Variants in AGBL1 observed in about 807,000 individuals in gnomAD.
The protein encoded by AGBL1 is cytosolic carboxypeptidase 4.
In AGBL1, 130 loss-of-function variants were observed where a neutral mutation model predicts 118.9. The observed-to-expected ratio is 1.09, with a 90% CI of 0.95 to 1.26. The LOEUF (loss-of-function observed/expected upper bound fraction) is 1.26, where lower values mean the gene tolerates loss of function less well. Ranked by LOEUF, AGBL1 falls within the 50% of genes most tolerant of loss-of-function variation. AGBL1 has a pLI of 0.00. For missense variants in AGBL1, 1,584 were observed against 1,298.1 expected (o/e 1.22, Z -3.38); for synonymous variants, 555 against 478.9 (o/e 1.16, Z -2.08).
chr15:86,804,982 G>A (rs964426820), intron 22 of AGBL1, among the ~76,000 whole-genome samples: 5 of 152,066 alleles, frequency 3.3e-5, no homozygotes, highest in South Asian at 2.1e-4. Flanking sequence ...CAGAGCCATC[G>A]GGGAGTGAGC....
At chr15:86,310,514 A>G (rs1437061081) in intron 17 of AGBL1, among the ~76,000 whole-genome samples, 1 of 152,114 alleles carries the variant, frequency 6.6e-6, no homozygotes. Flanking sequence ...AGGGGAGCCT[A>G]AAGCTGGGAT....
chr15:86,421,983 C>T (rs562921742), intron 18 of AGBL1, among the ~76,000 whole-genome samples: 1 of 152,282 alleles, frequency 6.6e-6, no homozygotes, highest in African/African-American at 2.4e-5. Context: ...GAGACTTAGA[C>T]TCCCACACAA....
chr15:86,434,895 T>A (rs2081982329), intron 18 of AGBL1, among the ~76,000 whole-genome samples: 1 of 152,218 alleles, frequency 6.6e-6, no homozygotes. Flanking sequence ...AACACAACAT[T>A]CAGGGCTTTT....
chr15:86,226,059 G>C (rs1264572296), intron 6 of AGBL1, among the ~76,000 whole-genome samples: 1 of 152,158 alleles, frequency 6.6e-6, no homozygotes, highest in African/African-American at 2.4e-5. Flanking sequence ...TGTGATATGA[G>C]ATCCACAGCT....
intron 22 of AGBL1, among the ~76,000 whole-genome samples, chr15:86,691,281 AG>A (rs1208178018): frequency 6.6e-6 from 1 of 152,182 alleles, no homozygotes; most frequent in Non-Finnish European, 1.5e-5. Flanking sequence ...AGCAAACTGC[AG>A]GGGGCAAGAG....
At position 86,953,531 on chromosome 15, in the gene AGBL1, C is replaced by A. The variant is rs541846067; in HGVS notation, c.3222-34456C>A. Among the ~76,000 whole-genome samples, 169 of 151,894 alleles carry A rather than the reference C, an allele frequency of 1.1e-3. 2 individuals are homozygous for A. In the South Asian group the frequency reaches 0.014, roughly 13 times the overall value. On this transcript the variant is annotated intron_variant, in intron 23 of 24. Coordinates refer to the AGBL1 transcript ENST00000441037. ...TCAGCCTCCCAAGTAGCCGGGACTACAGGTACATGCCACTATGCCCAGCTC... is the reference window on the plus strand; with the variant it reads ...TCAGCCTCCCAAGTAGCCGGGACTAAAGGTACATGCCACTATGCCCAGCTC...
intron 22 of AGBL1, among the ~76,000 whole-genome samples, chr15:86,708,906 T>G (rs927539031): frequency 6.6e-6 from 1 of 152,108 alleles, no homozygotes; most frequent in African/African-American, 2.4e-5. Context: ...ATTTTGTTGC[T>G]TCACTTCCAC....
At chr15:86,123,826 T>A (rs1177914244) in intron 1 of AGBL1, among the ~76,000 whole-genome samples, 5 of 152,170 alleles carry the variant, frequency 3.3e-5, no homozygotes, top group South Asian at 2.1e-4. Context: ...ACTGTTCACT[T>A]GTATTTGGTT....
At chr15:86,561,555 A>G (rs2083820841) in intron 21 of AGBL1, among the ~76,000 whole-genome samples, 1 of 152,162 alleles carries the variant, frequency 6.6e-6, no homozygotes, top group Admixed American at 6.5e-5. Flanking sequence ...TTGTTACTGT[A>G]GCCTTGTAGT....
intron 22 of AGBL1, among the ~76,000 whole-genome samples, chr15:86,817,952 G>A (rs1737059370): frequency 2.6e-5 from 4 of 152,148 alleles, no homozygotes; most frequent in African/African-American, 9.7e-5. Context: ...GCAGAGATTA[G>A]AGTGATGGAT....
chr15:86,254,996 T>C (rs2078872211), intron 7 of AGBL1, among the ~76,000 whole-genome samples: 2 of 152,164 alleles, frequency 1.3e-5, no homozygotes, highest in African/African-American at 4.8e-5. Flanking sequence ...TATGGCCCAA[T>C]TTTTCAGAAC....
At chr15:86,808,598 CTTCCTTCT>C (rs1179156967) in intron 22 of AGBL1, among the ~76,000 whole-genome samples, 1 of 140,968 alleles carries the variant, frequency 7.1e-6, no homozygotes, top group Admixed American at 7.4e-5. Flanking sequence ...CCTTTCCTTC[CTTCCTTCT>C]TTCCTTCCTT....
At chr15:86,590,123 T>C (rs763008497) in intron 21 of AGBL1, among the ~76,000 whole-genome samples, 23 of 152,180 alleles carry the variant, frequency 1.5e-4, no homozygotes, top group Admixed American at 4.6e-4. Context: ...ATTTACCATC[T>C]TGAGGCTACA....
intron 21 of AGBL1, among the ~76,000 whole-genome samples, chr15:86,646,929 AT>A (rs1252226502): frequency 2.0e-5 from 3 of 152,022 alleles, no homozygotes; most frequent in Non-Finnish European, 4.4e-5. Flanking sequence ...AGTTGAATTA[AT>A]TTTTTTCTTA....
chr15:86,748,778 A>G (rs2077799578), intron 22 of AGBL1, among the ~76,000 whole-genome samples: 1 of 151,938 alleles, frequency 6.6e-6, no homozygotes, highest in Non-Finnish European at 1.5e-5. Flanking sequence ...TCCTTTCCCC[A>G]TATCTTGTTT....
At chr15:86,514,836 A>G (rs1404004014) in intron 18 of AGBL1, among the ~76,000 whole-genome samples, 2 of 152,054 alleles carry the variant, frequency 1.3e-5, no homozygotes, top group Admixed American at 1.3e-4. Context: ...CATCTCCTTC[A>G]TTCTTAGCTA....
At chr15:86,380,343 G>GAT (rs879554924) in intron 17 of AGBL1, among the ~76,000 whole-genome samples, 29,811 of 147,938 alleles carry the variant, frequency 0.2, 3,782 homozygotes, top group East Asian at 0.59. Flanking sequence ...GGAGGACAGT[G>GAT]GTGCAATCTC....
At chr15:86,519,619 T>G (rs2083162024) in intron 18 of AGBL1, among the ~76,000 whole-genome samples, 1 of 152,158 alleles carries the variant, frequency 6.6e-6, no homozygotes, top group South Asian at 2.1e-4. Flanking sequence ...TGCATTTGCA[T>G]AGATACAGGG....
chr15:86,203,103 A>G (rs1187772736), intron 5 of AGBL1, among the ~76,000 whole-genome samples: 1 of 152,198 alleles, frequency 6.6e-6, no homozygotes, highest in Non-Finnish European at 1.5e-5. Context: ...AAGAATAATG[A>G]TAGTGATAAT....
Sources: allele counts gnomAD v4.1 joint callset (sites outside exome capture counted in the v4.1 genomes callset), GRCh38; gene constraint gnomAD v4.1.1; transcripts MANE v1.5; gene names NCBI Gene and HGNC (gene_info 2026-07-23, HGNC 2026-07-21).